The following FOXJ3 variants were observed in gnomAD, a reference collection of about 807,000 sequenced individuals.
FOXJ3 encodes forkhead box protein J3.
A neutral mutation model predicts 76.1 loss-of-function variants in FOXJ3; 22 were observed. The observed-to-expected ratio is 0.29, with a 90% CI of 0.21 to 0.41. The LOEUF (loss-of-function observed/expected upper bound fraction) is 0.41, where lower values mean the gene tolerates loss of function less well. FOXJ3 is among the 10% of genes least tolerant of loss of function. FOXJ3 has a pLI of 1.00. For synonymous variants in FOXJ3, 269 were observed against 261.2 expected, an observed-to-expected ratio of 1.03 and a Z score of -0.29; for missense variants, 613 against 762.1, an observed-to-expected ratio of 0.80 and a Z score of 2.30.
At chr1:42,281,312 T>C (rs973243397) in intron 2 of FOXJ3, among the ~76,000 whole-genome samples, 3 of 152,090 alleles carry the variant, frequency 2.0e-5, no homozygotes, top group Admixed American at 6.5e-5. Flanking sequence ...AGCTGAGCTG[T>C]GGGTGCTATG....
chr1:42,273,564 A>AC (rs1317151736), intron 3 of FOXJ3, among the ~76,000 whole-genome samples: 1 of 151,074 alleles, frequency 6.6e-6, no homozygotes, highest in Non-Finnish European at 1.5e-5. Flanking sequence ...AGTCCCTGCT[A>AC]CTCGGGAGGC....
intron 1 of FOXJ3, chr1:42,315,317 T>A (rs1016058713): frequency 1.9e-6 from 1 of 532,300 alleles, no homozygotes; most frequent in Admixed American, 6.4e-5. Flanking sequence ...CACTTTAAAA[T>A]GGTGAACTTC....
intron 2 of FOXJ3, 72 bp downstream of exon 2, chr1:42,310,978 T>C (rs2124757219): frequency 1.2e-6 from 1 of 840,206 alleles, no homozygotes; most frequent in Non-Finnish European, 1.9e-6. Flanking sequence ...AAATTCATTG[T>C]AATATGAGGT....
intron 2 of FOXJ3, among the ~76,000 whole-genome samples, chr1:42,283,366 A>T (rs976157414): frequency 2.6e-5 from 4 of 152,188 alleles, no homozygotes; most frequent in Non-Finnish European, 4.4e-5. Flanking sequence ...CGGGGGTTTT[A>T]ATCCCACTTT....
intron 2 of FOXJ3, among the ~76,000 whole-genome samples, chr1:42,304,113 G>A (rs1173454638): frequency 6.6e-6 from 1 of 151,932 alleles, no homozygotes; most frequent in African/African-American, 2.4e-5. Flanking sequence ...TATGCCAAGA[G>A]TGAACAATCC....
At chr1:42,324,434 A>T (rs944357563) in intron 1 of FOXJ3, among the ~76,000 whole-genome samples, 1 of 147,348 alleles carries the variant, frequency 6.8e-6, no homozygotes, top group Non-Finnish European at 1.5e-5. Flanking sequence ...TGTTTTAGAC[A>T]AAACTATCTG....
intron 2 of FOXJ3, among the ~76,000 whole-genome samples, chr1:42,288,722 T>C (rs1191048410): frequency 6.6e-6 from 1 of 152,158 alleles, no homozygotes; most frequent in Non-Finnish European, 1.5e-5. Context: ...TCTCATACAG[T>C]GTATAGTAGA....
At chr1:42,264,530 T>A (rs1183650957) in intron 4 of FOXJ3, among the ~76,000 whole-genome samples, 1 of 152,016 alleles carries the variant, frequency 6.6e-6, no homozygotes, top group Non-Finnish European at 1.5e-5. Context: ...GACAACCAAA[T>A]ACAGTACAAC....
At chr1:42,294,341 C>T (rs1429181038) in intron 2 of FOXJ3, among the ~76,000 whole-genome samples, 9 of 152,184 alleles carry the variant, frequency 5.9e-5, no homozygotes, top group Admixed American at 5.9e-4. Flanking sequence ...ACCAGTAATA[C>T]AGGAACAAAT....
intron 2 of FOXJ3, among the ~76,000 whole-genome samples, chr1:42,288,884 ATACAGT>A (rs1378562011): frequency 6.6e-6 from 1 of 152,206 alleles, no homozygotes; most frequent in Non-Finnish European, 1.5e-5. Context: ...GTTTTGGAAC[ATACAGT>A]TACTTTACAT....
chr1:42,185,573 A>G (rs571413373), intron 11 of FOXJ3, among the ~76,000 whole-genome samples: 2 of 151,908 alleles, frequency 1.3e-5, no homozygotes, highest in East Asian at 3.9e-4. Context: ...TAGGTTGTGA[A>G]CTCTTTTAGG....
chr1:42,292,918 T>A (rs776618684), intron 2 of FOXJ3, among the ~76,000 whole-genome samples: 15 of 152,118 alleles, frequency 9.9e-5, no homozygotes, highest in Non-Finnish European at 1.6e-4. Flanking sequence ...CTGGGCAACA[T>A]GGTGAAATCC....
intron 2 of FOXJ3, among the ~76,000 whole-genome samples, chr1:42,297,552 T>C (rs942758624): frequency 6.6e-6 from 1 of 152,252 alleles, no homozygotes; most frequent in Admixed American, 6.5e-5. Flanking sequence ...TCTATTTATG[T>C]GGTGAATCAT....
At chr1:42,185,028 A>C (rs1262775291) in intron 11 of FOXJ3, among the ~76,000 whole-genome samples, 1 of 152,078 alleles carries the variant, frequency 6.6e-6, no homozygotes, top group Non-Finnish European at 1.5e-5. Flanking sequence ...CCATAGTAAC[A>C]ACATTGGTCT....
chr1:42,335,404 CA>C (rs922598725), upstream of FOXJ3: 1 of 152,294 alleles, frequency 6.6e-6, no homozygotes, highest in Non-Finnish European at 1.5e-5. Flanking sequence ...CGAGGCTCTG[CA>C]TCGGCGCAGC....
intron 4 of FOXJ3, among the ~76,000 whole-genome samples, chr1:42,246,912 T>G (rs1481165953): frequency 6.6e-6 from 1 of 152,160 alleles, no homozygotes; most frequent in African/African-American, 2.4e-5. Flanking sequence ...TGAAAGTATG[T>G]TAAGCCAGGC....
chr1:42,267,176 G>T (rs1651529421), intron 3 of FOXJ3, among the ~76,000 whole-genome samples: 1 of 152,056 alleles, frequency 6.6e-6, no homozygotes, highest in Admixed American at 6.6e-5. Context: ...ACTAAGGCTG[G>T]ACCAACACAA....
chr1:42,323,807 C>T (rs948904963), intron 1 of FOXJ3: 5 of 435,908 alleles, frequency 1.1e-5, no homozygotes, highest in African/African-American at 2.1e-5. Flanking sequence ...GACTAGGTCT[C>T]TACTGTTCCA....
chr1:42,189,917 C>A (rs1304186999), intron 9 of FOXJ3: 3 of 152,586 alleles, frequency 2.0e-5, no homozygotes, highest in African/African-American at 7.2e-5. Context: ...TGACTTAACG[C>A]AGGTGGATTA....
Sources: gnomAD v4.1 joint callset for allele counts (sites outside exome capture counted in the v4.1 genomes callset) on GRCh38, gnomAD v4.1.1 for gene constraint, MANE v1.5 for transcripts, NCBI Gene and HGNC (gene_info 2026-07-23, HGNC 2026-07-21) for gene names.